The following KCNAB1 variants were observed in gnomAD, a reference collection of about 807,000 sequenced individuals.
KCNAB1 encodes the protein voltage-gated potassium channel subunit beta-1.
Under a neutral mutation model 64.6 loss-of-function variants are expected in KCNAB1, and 35 were observed. That is an observed-to-expected ratio of 0.54 (90% confidence interval 0.41 to 0.72). The LOEUF is 0.72. Among genes scored for constraint, KCNAB1 ranks in the 30% least tolerant of loss-of-function variants. The pLI, the probability that KCNAB1 is intolerant of heterozygous loss-of-function variation, is 0.00. For synonymous variants in KCNAB1, 177 were observed against 183.8 expected (o/e 0.96, Z 0.30); for missense variants, 401 against 512.9 (o/e 0.78, Z 2.11).
intron 1 of KCNAB1, among the ~76,000 whole-genome samples, chr3:156,158,631 A>T (rs1237863223): frequency 6.6e-6 from 1 of 152,318 alleles, no homozygotes; most frequent in African/African-American, 2.4e-5. Context: ...GTAGGGAAAA[A>T]TTTCAGATTT....
chr3:156,121,529 G>A (rs776384402), intron 1 of KCNAB1, among the ~76,000 whole-genome samples: 1 of 152,196 alleles, frequency 6.6e-6, no homozygotes, highest in Non-Finnish European at 1.5e-5. Flanking sequence ...AGCAGAGGAA[G>A]GATAATTTCA....
At chr3:156,225,705 T>A (rs1172392434) in intron 1 of KCNAB1, among the ~76,000 whole-genome samples, 2 of 152,174 alleles carry the variant, frequency 1.3e-5, no homozygotes, top group African/African-American at 4.8e-5. Flanking sequence ...CTAGAACTGG[T>A]AAATGTATTC....
intron 1 of KCNAB1, among the ~76,000 whole-genome samples, chr3:156,177,740 G>A (rs1410600022): frequency 6.7e-6 from 1 of 150,170 alleles, no homozygotes; most frequent in African/African-American, 2.4e-5. Context: ...AATGTACACA[G>A]GCATGCATAT....
At chr3:156,465,569 A>G in intron 6 of KCNAB1, 74 bp from the exon 7 acceptor site, 1 of 1,398,990 alleles carries the variant, frequency 7.1e-7, no homozygotes, top group Non-Finnish European at 1.0e-6. Flanking sequence ...AAAATTAGCA[A>G]TTCAGACCAG....
chr3:156,443,239 G>A (rs1324248326), intron 2 of KCNAB1, among the ~76,000 whole-genome samples: 3 of 152,038 alleles, frequency 2.0e-5, no homozygotes, highest in Non-Finnish European at 4.4e-5. Flanking sequence ...GTGTTGTTCC[G>A]CTAAACAATG....
chr3:156,131,797 G>T (rs1256030012), intron 1 of KCNAB1, among the ~76,000 whole-genome samples: 1 of 152,196 alleles, frequency 6.6e-6, no homozygotes. Context: ...GGGGTGGGAA[G>T]GGTCCAGTCA....
intron 1 of KCNAB1, among the ~76,000 whole-genome samples, chr3:156,248,136 A>C (rs905878785): frequency 5.9e-5 from 9 of 152,202 alleles, no homozygotes; most frequent in African/African-American, 2.2e-4. Context: ...AGCCTTAACA[A>C]ATTGCACTAT....
chr3:156,375,363 T>A (rs1222539376), intron 1 of KCNAB1, among the ~76,000 whole-genome samples: 1 of 134,780 alleles, frequency 7.4e-6, no homozygotes, highest in East Asian at 2.0e-4. Flanking sequence ...GGGCTGGTGT[T>A]ATTATCTCCA....
intron 7 of KCNAB1, among the ~76,000 whole-genome samples, chr3:156,474,185 G>A (rs1364531028): frequency 6.6e-6 from 1 of 152,080 alleles, no homozygotes; most frequent in African/African-American, 2.4e-5. Flanking sequence ...GTTCCAATTA[G>A]TAAAATGTTG....
At chr3:156,193,056 A>G (rs1469882567) in intron 1 of KCNAB1, among the ~76,000 whole-genome samples, 1 of 151,916 alleles carries the variant, frequency 6.6e-6, no homozygotes, top group Admixed American at 6.6e-5. Context: ...TTTGTTTTCT[A>G]CTTGTCTTAT....
chr3:156,391,676 C>G (rs1315872111), intron 1 of KCNAB1, among the ~76,000 whole-genome samples: 1 of 152,128 alleles, frequency 6.6e-6, no homozygotes, highest in African/African-American at 2.4e-5. Context: ...GAAAATAAAA[C>G]GAAGTAGAAA....
At chr3:156,260,441 A>G (rs1718367047) in intron 1 of KCNAB1, among the ~76,000 whole-genome samples, 1 of 152,170 alleles carries the variant, frequency 6.6e-6, no homozygotes, top group Admixed American at 6.6e-5. Context: ...TCCCACTCCC[A>G]GCCCCAGCAA....
chr3:156,516,138 A>T, intron 10 of KCNAB1, 132 bp from the exon 11 acceptor site: 1 of 612,984 alleles, frequency 1.6e-6, no homozygotes, highest in South Asian at 2.1e-5. Context: ...ATGCATGCTG[A>T]TATTAACTCA....
chr3:156,206,139 A>T (rs564642810), intron 1 of KCNAB1, among the ~76,000 whole-genome samples: 1 of 152,218 alleles, frequency 6.6e-6, no homozygotes, highest in South Asian at 2.1e-4. Context: ...TTATTTGATG[A>T]TGGTTCCCTA....
chr3:156,287,362 A>AC (rs1281616053), intron 1 of KCNAB1, among the ~76,000 whole-genome samples: 118 of 151,474 alleles, frequency 7.8e-4, no homozygotes, highest in Non-Finnish European at 1.2e-3. Flanking sequence ...AAAAAAAAAA[A>AC]AAAAAACTAC....
At chr3:156,130,090 C>A (rs528555008) in intron 1 of KCNAB1, among the ~76,000 whole-genome samples, 1 of 152,144 alleles carries the variant, frequency 6.6e-6, no homozygotes, top group Non-Finnish European at 1.5e-5. Context: ...TTGATTTTGT[C>A]ATCTATATGG....
chr3:156,385,456 C>T (rs1419562104), intron 1 of KCNAB1, among the ~76,000 whole-genome samples: 1 of 147,152 alleles, frequency 6.8e-6, no homozygotes, highest in African/African-American at 2.5e-5. Flanking sequence ...AAAAAAAAAG[C>T]ATCCAAGTTA....
At chr3:156,382,460 C>G (rs908628713) in intron 1 of KCNAB1, among the ~76,000 whole-genome samples, 4 of 152,078 alleles carry the variant, frequency 2.6e-5, no homozygotes, top group African/African-American at 9.7e-5. Context: ...CCAGCCTGGG[C>G]AACAAGAGAG....
intron 1 of KCNAB1, among the ~76,000 whole-genome samples, chr3:156,405,198 C>A (rs535691367): frequency 1.3e-5 from 2 of 152,214 alleles, no homozygotes; most frequent in African/African-American, 4.8e-5. Context: ...GGACAAGAGC[C>A]TTTTATCCAT....
Sources: gnomAD v4.1 joint callset for allele counts (sites outside exome capture counted in the v4.1 genomes callset) on GRCh38, gnomAD v4.1.1 for gene constraint, MANE v1.5 for transcripts, NCBI Gene and HGNC (gene_info 2026-07-23, HGNC 2026-07-21) for gene names.